The following EPHA10 variants were observed in gnomAD, a reference collection of about 807,000 sequenced individuals.
EPHA10 encodes EPH receptor A10.
Under a neutral mutation model 109.7 loss-of-function variants are expected in EPHA10, and 120 were observed. The ratio of observed to expected loss-of-function variants is 1.09; its 90% CI spans 0.94 to 1.27. EPHA10 has a LOEUF of 1.27. EPHA10 is among the 50% of genes most tolerant of loss of function. EPHA10 has a pLI of 0.00. For missense variants in EPHA10, 1,396 were observed against 1,411.1 expected (o/e 0.99, Z 0.17); for synonymous variants, 640 against 618.9 (o/e 1.03, Z -0.51).
intron 5 of EPHA10, among the ~76,000 whole-genome samples, chr1:37,751,015 C>T (rs1470859970): frequency 6.6e-6 from 1 of 150,572 alleles, no homozygotes; most frequent in African/African-American, 2.4e-5. Context: ...ACCATCCTGG[C>T]TAACATGGTG....
chr1:37,742,310 G>A (rs1646167465), intron 5 of EPHA10, among the ~76,000 whole-genome samples: 1 of 152,208 alleles, frequency 6.6e-6, no homozygotes, highest in African/African-American at 2.4e-5. Context: ...CCCCATAGGT[G>A]ACTTGGGTAA....
chr1:37,721,039 A>G (rs560065950), intron 11 of EPHA10, among the ~76,000 whole-genome samples, 195 bp from the exon 12 acceptor site: 89 of 152,066 alleles, frequency 5.9e-4, no homozygotes, highest in Non-Finnish European at 8.5e-4. Context: ...TAGGTGAACA[A>G]AGTCCAAGGT....
At chr1:37,742,793 C>G (rs1363333232) in intron 5 of EPHA10, among the ~76,000 whole-genome samples, 1 of 151,972 alleles carries the variant, frequency 6.6e-6, no homozygotes, top group Non-Finnish European at 1.5e-5. Context: ...AGAGACCAGC[C>G]TGGGCAACAT....
chr1:37,730,444 A>G (rs1411517460), intron 7 of EPHA10, among the ~76,000 whole-genome samples: 1 of 152,230 alleles, frequency 6.6e-6, no homozygotes, highest in Non-Finnish European at 1.5e-5. Context: ...CCTGAGGACC[A>G]GGTTAGCAGC....
chr1:37,754,210 CTCACGGGTGCAGGAAG>C lies in EPHA10; in HGVS notation c.995_1006+4del. The C allele has an allele frequency of 7.8e-7, 1 of 1,289,290 alleles. No homozygotes were observed. The highest frequency in any genetic ancestry group is 9.9e-7 in the Non-Finnish European group (1 of 1,011,430). 79.9% of individuals were successfully genotyped at this position (1,289,290 alleles called of 1,614,324 possible). On this transcript the variant is annotated splice_donor_variant and splice_donor_region_variant and coding_sequence_variant and intron_variant, in exon 4 of 17. Coordinates refer to ENST00000373048, the MANE Select transcript of EPHA10 (RefSeq NM_001099439.2). LOFTEE classifies it high-confidence loss of function. The surrounding 1 kb of genome is among the most constrained non-coding windows in gnomAD (Gnocchi z 4.5). ...TCCGCAGTGCAGCCTGGAGGGGGGACTCACGGGTGCAGGAAGCCGAGGGCGGGTCGGTGGGTGAGCG... is the reference window on the plus strand; with the variant it reads ...TCCGCAGTGCAGCCTGGAGGGGGGACCCGAGGGCGGGTCGGTGGGTGAGCG...
chr1:37,717,020 T>TTC lies in EPHA10; in HGVS notation c.*1351_*1352insGA. ...TCATCTTTACCTCTTGTCTCCTCTT[T>TTC]CCCGCCCCATCCCACCCCACCAACA... On this transcript the variant is annotated 3_prime_UTR_variant, in exon 17 of 17. Coordinates refer to ENST00000373048, the MANE Select transcript of EPHA10 (RefSeq NM_001099439.2). 4.6e-6 allele frequency: 1 copy of TTC among 218,122 alleles called. No homozygotes were observed. Among genetic ancestry groups the TTC allele is most frequent in the Non-Finnish European group, 9.2e-6 (1 of 109,082 alleles). The allele number at this position is 218,122 out of a possible 1,614,324, so 13.5% of individuals were successfully genotyped here. A position where few individuals can be genotyped will look rare whatever the true frequency, so the allele number is the denominator to read the frequency against.
At chr1:37,725,309 A>G (rs1320661573) in intron 8 of EPHA10, among the ~76,000 whole-genome samples, 1 of 152,032 alleles carries the variant, frequency 6.6e-6, no homozygotes, top group Non-Finnish European at 1.5e-5. Flanking sequence ...GTTTGAGACC[A>G]GCCTGGCCAA....
chr1:37,756,251 T>C (rs1646391818), intron 3 of EPHA10, among the ~76,000 whole-genome samples: 1 of 152,020 alleles, frequency 6.6e-6, no homozygotes, highest in South Asian at 2.1e-4. Flanking sequence ...ATTGGTCAAA[T>C]AGGAATAACA....
At chr1:37,733,569 C>T (rs937176369) in intron 6 of EPHA10, among the ~76,000 whole-genome samples, 1 of 152,176 alleles carries the variant, frequency 6.6e-6, no homozygotes, top group Admixed American at 6.5e-5. Flanking sequence ...GGAGCATCCA[C>T]CCAGCTCAAC....
intron 3 of EPHA10, among the ~76,000 whole-genome samples, chr1:37,759,545 C>T (rs945060098): frequency 5.9e-5 from 9 of 152,154 alleles, no homozygotes; most frequent in Non-Finnish European, 1.3e-4. Context: ...TCACCCAATG[C>T]ATTTTCACTG....
intron 8 of EPHA10, among the ~76,000 whole-genome samples, chr1:37,726,437 C>CAGTT (rs1645892428): frequency 1.3e-5 from 2 of 152,336 alleles, no homozygotes; most frequent in Non-Finnish European, 2.9e-5. Context: ...TGAGATGTGG[C>CAGTT]TCCCCAGCCC....
rs1213831538 is a variant in EPHA10 at position 37,761,612 on chromosome 1, C to T, written c.643G>A (p.Val215Met). Residue 215 changes from valine (V) to methionine (M), a missense_variant, in exon 3 of 17, where the codon GTG becomes ATG. Val to Met is a conservative substitution (Grantham distance 21). Transcript: ENST00000373048. ...GCTGGGAACGTGGCCAGGCCCCGCA[C>T]GGTGGCGCGGCACTGCTTGTAGTAG... ...RVYYKQCRAT[V>M]RGLATFPATA... The T allele has an allele frequency of 2.5e-6, 4 of 1,603,042 alleles. No homozygotes were observed. In the South Asian group the frequency reaches 3.3e-5, roughly 13 times the overall value.
chr1:37,727,432 C>T (rs1446004811), intron 7 of EPHA10, among the ~76,000 whole-genome samples: 3 of 152,214 alleles, frequency 2.0e-5, no homozygotes, highest in Non-Finnish European at 4.4e-5. Context: ...TCCACAGCAG[C>T]CCAGCTCCTG....
In EPHA10 at chr1:37,720,442, C is replaced by A. The variant is rs201212979; in HGVS notation, c.2321G>T (p.Arg774Leu). 99 of 1,613,568 alleles carry A rather than the reference C, an allele frequency of 6.1e-5. 1 individual carries two copies. In the Admixed American group the frequency reaches 6.7e-4, roughly 11 times the overall value. The stretch of plus-strand genomic sequence containing the variant: ...AAGGTCGCTGCTGACCAGCACATGG[C>A]GAGCTGCCAGGCCCCGGTGAACGTA... ...MGYVHRGLAA[R>L]HVLVSSDLVC... Residue 774 changes from arginine (R) to leucine (L), a missense_variant, in exon 13 of 17, where the codon CGC (arginine) becomes CTC (leucine). Physicochemically the swap from Arg to Leu is moderately radical, Grantham distance 102. Transcript: ENST00000373048.
chr1:37,740,641 C>G (rs894516564), intron 5 of EPHA10, among the ~76,000 whole-genome samples: 1 of 152,088 alleles, frequency 6.6e-6, no homozygotes, highest in African/African-American at 2.4e-5. Context: ...GTGATTCCAG[C>G]GTGCAGACAA....
At chr1:37,726,411 G>C (rs1336294312) in intron 8 of EPHA10, among the ~76,000 whole-genome samples, 2 of 152,226 alleles carry the variant, frequency 1.3e-5, no homozygotes, top group Admixed American at 1.3e-4. Context: ...CCAGCTGCCA[G>C]GCAGTTTCAG....
chr1:37,718,380 G>A lies in EPHA10; in HGVS notation c.3019C>T (p.Gln1007Ter). The change falls in exon 17 of 17, where the codon CAG becomes TAG. Residue 1007 changes from glutamine to a stop codon, truncating the protein, a stop_gained. Transcript: ENST00000373048. LOFTEE classifies it high-confidence loss of function. The stretch of plus-strand genomic sequence containing the variant: ...GGAAGAATGGGGTCCACTCACACCT[G>A]CACCCCCTGGCCCTGCAGCTGGAGC... ...RVLQLQGQGV[Q>*]V 6.2e-7 allele frequency: 1 copy of A among 1,608,460 alleles called. No homozygotes were observed. The highest frequency in any genetic ancestry group is 8.5e-7 in the Non-Finnish European group (1 of 1,177,404).
chr1:37,748,138 C>T (rs1468630578), intron 5 of EPHA10, among the ~76,000 whole-genome samples: 2 of 152,162 alleles, frequency 1.3e-5, no homozygotes, highest in Non-Finnish European at 2.9e-5. Flanking sequence ...GCAGGCAGAT[C>T]ATCTGAGGTC....
At chr1:37,732,916 G>A (rs1355979985) in intron 6 of EPHA10, among the ~76,000 whole-genome samples, 2 of 73,954 alleles carry the variant, frequency 2.7e-5, no homozygotes, top group Non-Finnish European at 4.8e-5. Context: ...TTGAGGCAGA[G>A]TCTTGCTGTG....
Sources: gnomAD v4.1 joint callset for allele counts (sites outside exome capture counted in the v4.1 genomes callset) on GRCh38, gnomAD v4.1.1 for gene constraint, Gnocchi (gnomAD v3.1) non-coding constraint, MANE v1.5 for transcripts, NCBI Gene and HGNC (gene_info 2026-07-23, HGNC 2026-07-21) for gene names.